TGM6: variants seen among roughly 807,000 people sequenced by gnomAD.
The protein encoded by TGM6 is transglutaminase 6, also known as protein-glutamine gamma-glutamyltransferase 6.
In TGM6, 74 loss-of-function variants were observed where a neutral mutation model predicts 77.5. The ratio of observed to expected loss-of-function variants is 0.96; its 90% confidence interval spans 0.79 to 1.16. TGM6 has a LOEUF of 1.16. TGM6 is among the 50% of genes most tolerant of loss of function. The pLI is 0.00. For synonymous variants in TGM6, 383 were observed against 378.9 expected, an observed-to-expected ratio of 1.01 and a Z score of -0.12; for missense variants, 968 against 940.2, an observed-to-expected ratio of 1.03 and a Z score of -0.39.
chr20:2,397,988 C>A lies in TGM6; in HGVS notation c.614C>A (p.Ala205Asp). ...DRSPGHQNNP[A>D]TDVSCRHNPI... Reference sequence around the variant, plus strand: ...AGCCCCGGTCACCAAAACAACCCAGCCACCGACGTGTCCTGCCGCCACAAC... The same window carrying A: ...AGCCCCGGTCACCAAAACAACCCAGACACCGACGTGTCCTGCCGCCACAAC... The change falls in exon 5 of 13, where the codon GCC becomes GAC. Residue 205 changes from alanine to aspartate, a missense_variant. Coordinates refer to ENST00000202625, the MANE Select transcript of TGM6 (RefSeq NM_198994.3). 1 of 1,614,140 alleles carries A rather than the reference C, an allele frequency of 6.2e-7. No individual in the cohort carries two copies. Among genetic ancestry groups the A allele is most frequent in the South Asian group, 1.1e-5 (1 of 91,080 alleles).
At chr20:2,391,459 A>G (rs1306254695) in intron 1 of TGM6, among the ~76,000 whole-genome samples, 3 of 151,034 alleles carry the variant, frequency 2.0e-5, no homozygotes, top group Admixed American at 2.0e-4. Context: ...TTGTGGAGGT[A>G]GAGTCTGATG....
At chr20:2,394,311 A>AAACAAACT in intron 1 of TGM6, 141 bp from the exon 2 acceptor site, 4 of 1,043,208 alleles carry the variant, frequency 3.8e-6, no homozygotes, top group Non-Finnish European at 5.6e-6. Context: ...ACAAACAAAC[A>AAACAAACT]AACAAACAGA....
chr20:2,390,937 G>C (rs2084625426), intron 1 of TGM6, among the ~76,000 whole-genome samples: 1 of 152,044 alleles, frequency 6.6e-6, no homozygotes, highest in Non-Finnish European at 1.5e-5. Flanking sequence ...GGCTTAAAGG[G>C]ATGAGAGAGG....
chr20:2,407,370 G>A (rs1293336993), intron 9 of TGM6, among the ~76,000 whole-genome samples: 2 of 152,198 alleles, frequency 1.3e-5, no homozygotes, highest in African/African-American at 4.8e-5. Flanking sequence ...TGCAATCCCA[G>A]CACTTTGGGA....
rs541988248 is a variant in TGM6, at chr20:2,405,410, T to C, written c.1336+1587T>C. On this transcript the variant is annotated intron_variant, in intron 9 of 12. Coordinates refer to ENST00000202625, the MANE Select transcript of TGM6 (RefSeq NM_198994.3). ...TAATTGAATCATAGTCTCTACGGGA[T>C]GTGGTTTTGGCACTGGGACTTTTTA... Among the ~76,000 whole-genome samples, 16 of 152,304 alleles carry C rather than the reference T, an allele frequency of 1.1e-4. No homozygotes were observed. The South Asian group carries it at 2.9e-3, about 28-fold the overall frequency.
At chr20:2,388,849 G>A (rs946640463) in intron 1 of TGM6, among the ~76,000 whole-genome samples, 5 of 152,168 alleles carry the variant, frequency 3.3e-5, no homozygotes, top group African/African-American at 1.2e-4. Flanking sequence ...CATCAAATAA[G>A]ATACAGCCAA....
At chr20:2,429,107 G>A (rs778405325) in intron 10 of TGM6, among the ~76,000 whole-genome samples, 1 of 152,182 alleles carries the variant, frequency 6.6e-6, no homozygotes, top group Admixed American at 6.5e-5. Context: ...TTACAGGCGT[G>A]AGCCACGGCA....
chr20:2,423,669 C>T (rs1322317195), intron 10 of TGM6, among the ~76,000 whole-genome samples: 1 of 152,140 alleles, frequency 6.6e-6, no homozygotes, highest in Non-Finnish European at 1.5e-5. Flanking sequence ...TTTTTACCTC[C>T]TCCCATGAAT....
intron 1 of TGM6, among the ~76,000 whole-genome samples, chr20:2,391,804 G>A (rs1599945770): frequency 6.6e-6 from 1 of 152,106 alleles, no homozygotes; most frequent in Non-Finnish European, 1.5e-5. Context: ...AGGATAAAAG[G>A]CAGACTCTTC....
intron 1 of TGM6, among the ~76,000 whole-genome samples, chr20:2,390,269 C>T (rs746512927): frequency 1.1e-4 from 17 of 152,094 alleles, no homozygotes; most frequent in Non-Finnish European, 2.4e-4. Flanking sequence ...ATTCATAATA[C>T]GGGGAAATAG....
At chr20:2,387,282 A>G (rs181565472) in intron 1 of TGM6, among the ~76,000 whole-genome samples, 1 of 152,358 alleles carries the variant, frequency 6.6e-6, no homozygotes, top group Non-Finnish European at 1.5e-5. Flanking sequence ...TGCCTGCCCT[A>G]GAATGACTGG....
intron 9 of TGM6, among the ~76,000 whole-genome samples, chr20:2,414,664 C>T (rs2084803335): frequency 6.6e-6 from 1 of 152,060 alleles, no homozygotes; most frequent in African/African-American, 2.4e-5. Flanking sequence ...AGCTCAAATA[C>T]CCATCAATAG....
At chr20:2,411,951 C>T (rs2122395668) in intron 9 of TGM6, among the ~76,000 whole-genome samples, 1 of 152,276 alleles carries the variant, frequency 6.6e-6, no homozygotes, top group South Asian at 2.1e-4. Flanking sequence ...GAATTGAAAG[C>T]AGGACCTCGA....
chr20:2,382,134 TA>T (rs760889744), intron 1 of TGM6, among the ~76,000 whole-genome samples: 1 of 152,236 alleles, frequency 6.6e-6, no homozygotes, highest in Non-Finnish European at 1.5e-5. Context: ...ATGAATCAAA[TA>T]TTTTTTTAAC....
chr20:2,398,462 C>T (rs912222384), intron 5 of TGM6, among the ~76,000 whole-genome samples: 1 of 152,106 alleles, frequency 6.6e-6, no homozygotes, highest in African/African-American at 2.4e-5. Flanking sequence ...GTGGCTGGAG[C>T]AGCTGGGACC....
chr20:2,383,669 A>C (rs2084571046), intron 1 of TGM6, among the ~76,000 whole-genome samples: 1 of 152,124 alleles, frequency 6.6e-6, no homozygotes, highest in Admixed American at 6.5e-5. Flanking sequence ...GAGCTGAAAA[A>C]CACTCTGAAG....
At chr20:2,386,837 A>G (rs1009829961) in intron 1 of TGM6, among the ~76,000 whole-genome samples, 3 of 152,096 alleles carry the variant, frequency 2.0e-5, no homozygotes, top group African/African-American at 7.2e-5. Context: ...GGATCCATGG[A>G]GCTTGAACCC....
At chr20:2,383,167 G>T (rs971464208) in intron 1 of TGM6, among the ~76,000 whole-genome samples, 2 of 152,156 alleles carry the variant, frequency 1.3e-5, no homozygotes, top group African/African-American at 4.8e-5. Flanking sequence ...CTCATGATGC[G>T]TACTAAGCAT....
chr20:2,430,900 G>A lies in TGM6; in HGVS notation c.1840G>A (p.Gly614Ser), dbSNP rs1599976580. The change falls in exon 12 of 13, where the codon GGC becomes AGC. Residue 614 changes from glycine to serine, a missense_variant. By Grantham distance (56) the Gly-to-Ser change is moderately conservative (BLOSUM62 0). Transcript: ENST00000202625. ...LEDFITIKVL[G>S]PAMVGVAVTV... ...TGGGTGTTGTCCCCTTCAGGTTCTG[G>A]GCCCAGCCATGGTGGGAGTGGCAGT... The A allele has an allele frequency of 6.2e-7, 1 of 1,614,150 alleles. No individual in the cohort carries two copies. Among genetic ancestry groups the A allele is most frequent in the Non-Finnish European group, 8.5e-7 (1 of 1,180,022 alleles).
Sources: gnomAD v4.1 joint callset for allele counts (sites outside exome capture counted in the v4.1 genomes callset) on GRCh38, gnomAD v4.1.1 for gene constraint, MANE v1.5 for transcripts, NCBI Gene and HGNC (gene_info 2026-07-23, HGNC 2026-07-21) for gene names.